TNRC6A: variants seen among roughly 807,000 people sequenced by gnomAD.
TNRC6A encodes trinucleotide repeat-containing gene 6A protein.
TNRC6A carries 44 observed loss-of-function variants against 221.2 expected under a neutral mutation model. The observed-to-expected ratio is 0.20, with a 90% confidence interval of 0.16 to 0.26. TNRC6A has a LOEUF of 0.26. Ranked by LOEUF, TNRC6A falls within the 10% of genes least tolerant of loss-of-function variation. The probability of loss-of-function intolerance (pLI) is 1.00; values close to 1 mark genes in which losing one functional copy is unlikely to be tolerated. For missense variants in TNRC6A, 2,199 were observed against 2,404.4 expected, an observed-to-expected ratio of 0.91 and a Z score of 1.79; for synonymous variants, 847 against 838.5, an observed-to-expected ratio of 1.01 and a Z score of -0.18.
intron 2 of TNRC6A, among the ~76,000 whole-genome samples, chr16:24,699,503 A>C (rs1012995424): frequency 6.6e-6 from 1 of 152,184 alleles, no homozygotes. Context: ...GAATTGCTTG[A>C]GGCCAGGAGT....
At chr16:24,691,130 G>A (rs1304931148) in intron 2 of TNRC6A, among the ~76,000 whole-genome samples, 1 of 151,976 alleles carries the variant, frequency 6.6e-6, no homozygotes, top group Admixed American at 6.6e-5. Flanking sequence ...TATTTCAAAT[G>A]TGTTCCATGG....
chr16:24,715,542 T>C (rs956622784), intron 2 of TNRC6A, among the ~76,000 whole-genome samples: 1 of 152,050 alleles, frequency 6.6e-6, no homozygotes, highest in African/African-American at 2.4e-5. Flanking sequence ...AAGCTCTCTG[T>C]GAGTCCCAGA....
chr16:24,733,604 C>T (rs1261673425), intron 2 of TNRC6A, among the ~76,000 whole-genome samples: 2 of 152,112 alleles, frequency 1.3e-5, no homozygotes, highest in African/African-American at 4.8e-5. Context: ...CACAAAAATC[C>T]AGAAAGTACA....
intron 1 of TNRC6A, among the ~76,000 whole-genome samples, chr16:24,625,049 C>T (rs1272030625): frequency 1.3e-5 from 2 of 152,154 alleles, no homozygotes; most frequent in Non-Finnish European, 2.9e-5. Context: ...AATCATAGAC[C>T]TGCTCCCTGT....
At chr16:24,688,237 C>A (rs2055682758) in intron 2 of TNRC6A, among the ~76,000 whole-genome samples, 1 of 152,050 alleles carries the variant, frequency 6.6e-6, no homozygotes, top group African/African-American at 2.4e-5. Context: ...CCATGCCCAG[C>A]CTGGACATGC....
intron 2 of TNRC6A, among the ~76,000 whole-genome samples, chr16:24,696,247 C>T (rs961602298): frequency 2.0e-5 from 3 of 150,784 alleles, no homozygotes; most frequent in Admixed American, 6.7e-5. Flanking sequence ...ACTCGGGAGG[C>T]TGAGGCAGGA....
chr16:24,710,102 G>T (rs1325387821), intron 2 of TNRC6A, among the ~76,000 whole-genome samples: 1 of 151,760 alleles, frequency 6.6e-6, no homozygotes, highest in Non-Finnish European at 1.5e-5. Context: ...GCACATGCCT[G>T]TAATCCCAGC....
intron 5 of TNRC6A, chr16:24,778,618 A>G (rs756706906): frequency 6.7e-5 from 27 of 403,882 alleles, no homozygotes; most frequent in Non-Finnish European, 9.0e-5. Context: ...CTAATCTGTA[A>G]AACAGTAGTA....
intron 1 of TNRC6A, among the ~76,000 whole-genome samples, chr16:24,627,447 G>T (rs537550242): frequency 6.6e-6 from 1 of 152,126 alleles, no homozygotes; most frequent in African/African-American, 2.4e-5. Context: ...TGACCCAGCT[G>T]GGGCCCTGTA....
intron 21 of TNRC6A, 135 bp from the exon 22 acceptor site, chr16:24,820,004 T>G: frequency 1.3e-6 from 1 of 776,544 alleles, no homozygotes; most frequent in Non-Finnish European, 2.0e-6. Flanking sequence ...TTTTGGCAGT[T>G]TAGTTGATTT....
At chr16:24,623,901 C>CAA (rs67546745) in intron 1 of TNRC6A, among the ~76,000 whole-genome samples, 30 of 55,188 alleles carry the variant, frequency 5.4e-4, no homozygotes, top group Non-Finnish European at 5.7e-4. Context: ...GACCCTGTCT[C>CAA]AAAAAAAAAA....
chr16:24,745,531 G>A (rs1360174451), intron 2 of TNRC6A, among the ~76,000 whole-genome samples: 2 of 152,196 alleles, frequency 1.3e-5, no homozygotes, highest in Non-Finnish European at 2.9e-5. Flanking sequence ...CATACAGCTG[G>A]CTTCTATGTG....
intron 2 of TNRC6A, among the ~76,000 whole-genome samples, chr16:24,675,140 T>G (rs1273490326): frequency 2.0e-5 from 3 of 152,064 alleles, no homozygotes; most frequent in African/African-American, 7.2e-5. Flanking sequence ...ATCGAGACCC[T>G]GTTCAAAAAA....
intron 2 of TNRC6A, among the ~76,000 whole-genome samples, chr16:24,735,897 G>A (rs2056756137): frequency 6.6e-6 from 1 of 152,162 alleles, no homozygotes; most frequent in African/African-American, 2.4e-5. Context: ...GGGCACAGTG[G>A]CTCATGCCTG....
intron 1 of TNRC6A, among the ~76,000 whole-genome samples, chr16:24,618,067 T>C (rs1210534836): frequency 6.6e-6 from 1 of 151,922 alleles, no homozygotes; most frequent in African/African-American, 2.4e-5. Flanking sequence ...CCGGCTAATT[T>C]TTGTGTTTTT....
At chr16:24,640,710 CA>C (rs35368171) in intron 1 of TNRC6A, among the ~76,000 whole-genome samples, 31,492 of 95,534 alleles carry the variant, frequency 0.33, 4,220 homozygotes, top group African/African-American at 0.5. Context: ...GCCTGGGCGA[CA>C]AAAAAAAAAA....
intron 20 of TNRC6A, among the ~76,000 whole-genome samples, chr16:24,817,985 A>G (rs2058688445): frequency 1.3e-5 from 2 of 152,202 alleles, no homozygotes; most frequent in South Asian, 4.1e-4. Context: ...AGATGGGGTA[A>G]TCTGGCTGTG....
intron 3 of TNRC6A, among the ~76,000 whole-genome samples, chr16:24,757,881 T>C (rs991290310): frequency 1.3e-5 from 2 of 152,228 alleles, no homozygotes; most frequent in East Asian, 1.9e-4. Flanking sequence ...CTAATTTGGC[T>C]AAAGTGATTA....
chr16:24,643,532 C>T (rs140855011), intron 2 of TNRC6A, among the ~76,000 whole-genome samples: 453 of 152,258 alleles, frequency 3.0e-3, no homozygotes, highest in South Asian at 0.012. Context: ...CTCCACTGCA[C>T]GCTCTATTTT....
Sources: gnomAD v4.1 joint callset for allele counts (sites outside exome capture counted in the v4.1 genomes callset) on GRCh38, gnomAD v4.1.1 for gene constraint, MANE v1.5 for transcripts, NCBI Gene and HGNC (gene_info 2026-07-23, HGNC 2026-07-21) for gene names.